Variants in KLF12 observed in about 807,000 individuals in gnomAD.
KLF12 encodes the protein Krueppel-like factor 12.
KLF12 carries 9 observed loss-of-function variants against 37.8 expected under a neutral mutation model. That is an observed-to-expected ratio of 0.24 (90% CI 0.14 to 0.42). The LOEUF is 0.42. Among genes scored for constraint, KLF12 ranks in the 10% least tolerant of loss-of-function variants. KLF12 has a pLI of 1.00. For synonymous variants in KLF12, 208 were observed against 202.1 expected, an observed-to-expected ratio of 1.03 and a Z score of -0.25; for missense variants, 411 against 516.0, an observed-to-expected ratio of 0.80 and a Z score of 1.97.
At position 73,849,261 on chromosome 13, in the gene KLF12, C is replaced by T. The variant is rs114335271; in HGVS notation, c.124-2888G>A. ...TGGTTTTGTGGTGCACACCTGTAAT[C>T]CGAGCTACTCAGGAAGGTGAGGCAG... is the stretch of plus-strand genomic sequence containing the variant. On this transcript the variant is annotated intron_variant, in intron 3 of 7. Transcript: ENST00000377669. 6.4e-3 allele frequency among the ~76,000 whole-genome samples: 969 copies of T among 151,520 alleles called. 8 individuals are homozygous for T. The highest frequency in any genetic ancestry group is 0.022 in the African/African-American group (924 of 41,214).
intron 2 of KLF12, among the ~76,000 whole-genome samples, chr13:73,955,640 T>C (rs1890808616): frequency 6.6e-6 from 1 of 152,212 alleles, no homozygotes; most frequent in Non-Finnish European, 1.5e-5. Flanking sequence ...TAAAAAGCTT[T>C]ACTGGTTCTC....
intron 2 of KLF12, among the ~76,000 whole-genome samples, chr13:73,965,543 T>C (rs946505390): frequency 5.9e-5 from 9 of 152,174 alleles, no homozygotes; most frequent in Non-Finnish European, 1.5e-5. Flanking sequence ...CCAAAGATCT[T>C]GCGCTTGTAT....
At chr13:73,852,620 T>G (rs1240586257) in intron 3 of KLF12, among the ~76,000 whole-genome samples, 1 of 151,798 alleles carries the variant, frequency 6.6e-6, no homozygotes, top group Non-Finnish European at 1.5e-5. Context: ...CTACTAAAAA[T>G]ACAAAAATTA....
the KLF12 span, among the ~76,000 whole-genome samples, chr13:74,230,118 G>T: frequency 2.7e-5 from 4 of 150,588 alleles, no homozygotes; most frequent in Non-Finnish European, 5.9e-5. Flanking sequence ...CCCCATGTGT[G>T]TTGGGAGGGA....
chr13:73,830,915 G>A (rs2138578927), intron 4 of KLF12, among the ~76,000 whole-genome samples: 1 of 151,676 alleles, frequency 6.6e-6, no homozygotes, highest in Middle Eastern at 3.4e-3. Context: ...GCTGCAGGAT[G>A]CTAAAGAAAT....
At chr13:73,798,793 C>A (rs1420539736) in intron 5 of KLF12, among the ~76,000 whole-genome samples, 4 of 152,094 alleles carry the variant, frequency 2.6e-5, no homozygotes, top group South Asian at 2.1e-4. Flanking sequence ...AGAAAAGGAA[C>A]GTTTTTTGCA....
At chr13:73,860,444 A>AT (rs1190798887) in intron 3 of KLF12, among the ~76,000 whole-genome samples, 1 of 152,182 alleles carries the variant, frequency 6.6e-6, no homozygotes, top group Non-Finnish European at 1.5e-5. Flanking sequence ...CAGATTGAAT[A>AT]TATCTACGGG....
chr13:73,814,263 A>C (rs562036088), intron 4 of KLF12, among the ~76,000 whole-genome samples: 2 of 152,180 alleles, frequency 1.3e-5, no homozygotes, highest in Non-Finnish European at 2.9e-5. Flanking sequence ...TTGCGGGGGA[A>C]GGCAAAATGC....
intron 1 of KLF12, among the ~76,000 whole-genome samples, chr13:74,133,587 G>A: frequency 6.8e-6 from 1 of 146,440 alleles, no homozygotes; most frequent in East Asian, 2.0e-4. Flanking sequence ...CCCCCTTTAA[G>A]AACACAGACC....
chr13:74,030,921 T>G (rs1893096347), intron 1 of KLF12, among the ~76,000 whole-genome samples: 1 of 152,142 alleles, frequency 6.6e-6, no homozygotes, highest in Admixed American at 6.6e-5. Flanking sequence ...TCTCTAATCC[T>G]AAACTTCATT....
At chr13:73,884,470 G>C (rs1594210352) in intron 3 of KLF12, among the ~76,000 whole-genome samples, 1 of 152,092 alleles carries the variant, frequency 6.6e-6, no homozygotes, top group African/African-American at 2.4e-5. Flanking sequence ...TTTAAATCAG[G>C]AACACTGGAC....
chr13:73,896,130 C>T (rs1425640782), intron 3 of KLF12, among the ~76,000 whole-genome samples: 1 of 152,092 alleles, frequency 6.6e-6, no homozygotes. Flanking sequence ...GGGAAGAATA[C>T]AAAGTGATGC....
In KLF12 at chr13:74,006,935, T is replaced by C. The variant is rs375674167; in HGVS notation, c.-31-11882A>G. On this transcript the variant is annotated intron_variant, in intron 1 of 7. Coordinates refer to ENST00000377669, the MANE Select transcript of KLF12 (RefSeq NM_007249.5). Reference sequence around the variant, plus strand: ...CCTGGCTAATGTTTGAGATATTTCATCACGATAATCCCAGTCTCAAGAATT... The same window carrying C: ...CCTGGCTAATGTTTGAGATATTTCACCACGATAATCCCAGTCTCAAGAATT... Among the ~76,000 whole-genome samples the C allele has an allele frequency of 1.4e-4, 21 of 152,312 alleles. No individual in the cohort carries two copies. The East Asian group carries it at 1.5e-3, about 11-fold the overall frequency.
At chr13:74,218,600 A>C in the KLF12 span, among the ~76,000 whole-genome samples, 1,460 of 152,272 alleles carry the variant, frequency 9.6e-3, 18 homozygotes, top group African/African-American at 0.032. Context: ...TAAACTTGAA[A>C]GCCTGGCTCC....
intron 4 of KLF12, among the ~76,000 whole-genome samples, chr13:73,833,810 G>A (rs2138599370): frequency 6.6e-6 from 1 of 152,278 alleles, no homozygotes; most frequent in Non-Finnish European, 1.5e-5. Context: ...GGTAGTATGT[G>A]AGGTAGATGT....
intron 3 of KLF12, among the ~76,000 whole-genome samples, chr13:73,918,848 A>G (rs2139202996): frequency 6.6e-6 from 1 of 152,080 alleles, no homozygotes; most frequent in African/African-American, 2.4e-5. Flanking sequence ...CTGCTATTAG[A>G]CTCTTTAATG....
intron 3 of KLF12, among the ~76,000 whole-genome samples, chr13:73,934,321 G>T (rs1889825465): frequency 6.6e-6 from 1 of 152,138 alleles, no homozygotes; most frequent in Admixed American, 6.5e-5. Flanking sequence ...ACAAGTGGTG[G>T]GAGAACTCTA....
intron 6 of KLF12, among the ~76,000 whole-genome samples, chr13:73,715,828 A>G (rs957689720): frequency 1.3e-5 from 2 of 152,222 alleles, no homozygotes; most frequent in African/African-American, 4.8e-5. Context: ...AGAAGAAACA[A>G]TCTGGTAGGG....
chr13:73,734,457 A>AT (rs1410573924), intron 6 of KLF12, among the ~76,000 whole-genome samples: 1 of 152,150 alleles, frequency 6.6e-6, no homozygotes, highest in Non-Finnish European at 1.5e-5. Context: ...TTAAGTACTA[A>AT]TTATTAAAGG....
Sources: gnomAD v4.1 joint callset for allele counts (sites outside exome capture counted in the v4.1 genomes callset) on GRCh38, gnomAD v4.1.1 for gene constraint, MANE v1.5 for transcripts, NCBI Gene and HGNC (gene_info 2026-07-23, HGNC 2026-07-21) for gene names.